Variants in FAAH2 observed in about 807,000 individuals in gnomAD.
FAAH2 encodes fatty acid amide hydrolase 2.
FAAH2 carries 60 observed loss-of-function variants against 36.9 expected under a neutral mutation model. The ratio of observed to expected loss-of-function variants is 1.63; its 90% CI spans 1.32 to 2.02. FAAH2 has a LOEUF of 2.02. Ranked by LOEUF, FAAH2 falls within the 30% of genes most tolerant of loss-of-function variation. The probability of loss-of-function intolerance (pLI) is 0.00; values close to 1 mark genes in which losing one functional copy is unlikely to be tolerated. For missense variants in FAAH2, 689 were observed against 397.5 expected (o/e 1.73, Z -6.23); for synonymous variants, 214 against 143.8 (o/e 1.49, Z -3.49).
chrX:57,190,196 G>A, the FAAH2 span, among the ~76,000 whole-genome samples: 3 of 109,700 alleles, frequency 2.7e-5, no homozygotes, highest in Non-Finnish European at 5.7e-5. Context: ...CCTCCTTAGC[G>A]CTGTCACGGG....
At chrX:57,228,013 A>T in the FAAH2 span, among the ~76,000 whole-genome samples, 2 of 111,924 alleles carry the variant, frequency 1.8e-5, no homozygotes, top group African/African-American at 6.5e-5. Flanking sequence ...AACAGCCCTG[A>T]ACCTGTTTCC....
chrX:57,182,179 A>G, the FAAH2 span, among the ~76,000 whole-genome samples: 1 of 112,503 alleles, frequency 8.9e-6, no homozygotes. Context: ...AGGAACTTGC[A>G]AAGAGTTTAT....
At chrX:57,359,932 A>C (rs1357277526) in intron 5 of FAAH2, among the ~76,000 whole-genome samples, 2 of 109,302 alleles carry the variant, frequency 1.8e-5, no homozygotes, top group African/African-American at 6.6e-5. Flanking sequence ...GTTTTGAAGA[A>C]CAGTTTTGCT....
At chrX:57,473,114 G>C (rs1178798646) in intron 10 of FAAH2, among the ~76,000 whole-genome samples, 1 of 110,952 alleles carries the variant, frequency 9.0e-6, no homozygotes, top group Admixed American at 9.7e-5. Context: ...TCCTTAAGGT[G>C]TGAATTAGTT....
the FAAH2 span, among the ~76,000 whole-genome samples, chrX:57,242,334 C>T: frequency 1.2e-4 from 14 of 112,226 alleles, no homozygotes; most frequent in East Asian, 2.8e-4. Flanking sequence ...AGTGGACCTC[C>T]GGCAAACTAC....
At position 57,457,253 on chromosome X, in the gene FAAH2, T is replaced by C. The variant is rs766978482; in HGVS notation, c.1423+8535T>C. ...AGCCTATAATATAATCCAACATCCC[T>C]TAATGACAAAAGCCCTCAACAGATT... On this transcript the variant is annotated intron_variant, in intron 10 of 10. Coordinates refer to ENST00000374900, the MANE Select transcript of FAAH2 (RefSeq NM_174912.4). Among the ~76,000 whole-genome samples the C allele has an allele frequency of 3.6e-5, 4 of 111,670 alleles. No homozygotes were observed. In the East Asian group the frequency reaches 1.1e-3, roughly 31 times the overall value.
the FAAH2 span, among the ~76,000 whole-genome samples, chrX:57,207,478 G>A: frequency 1.8e-5 from 2 of 111,704 alleles, no homozygotes; most frequent in South Asian, 7.5e-4. Flanking sequence ...TTATTTCACA[G>A]GTAGGACGTT....
chrX:57,156,851 G>C, the FAAH2 span, among the ~76,000 whole-genome samples: 1 of 111,736 alleles, frequency 8.9e-6, no homozygotes, highest in Non-Finnish European at 1.9e-5. Context: ...GAAGCCCAGG[G>C]CTTTCCAGAC....
intron 7 of FAAH2, among the ~76,000 whole-genome samples, chrX:57,429,490 G>T (rs992839046): frequency 8.9e-6 from 1 of 111,783 alleles, no homozygotes; most frequent in Non-Finnish European, 1.9e-5. Context: ...ATTAGCTATT[G>T]TATTACACCA....
intron 10 of FAAH2, among the ~76,000 whole-genome samples, chrX:57,464,093 G>A (rs1243565496): frequency 2.7e-5 from 3 of 111,971 alleles, no homozygotes; most frequent in Admixed American, 9.5e-5. Context: ...ATTAGTTCAT[G>A]ATGTCCTTTG....
At chrX:57,171,183 A>T in the FAAH2 span, among the ~76,000 whole-genome samples, 1 of 111,740 alleles carries the variant, frequency 8.9e-6, no homozygotes, top group Non-Finnish European at 1.9e-5. Context: ...GGTTGATTCC[A>T]TATCTTTGCA....
the FAAH2 span, among the ~76,000 whole-genome samples, chrX:57,125,254 T>G: frequency 8.9e-6 from 1 of 112,912 alleles, no homozygotes; most frequent in Non-Finnish European, 1.9e-5. Flanking sequence ...CTGCATCTGT[T>G]GAGATAATCA....
chrX:57,436,901 T>C (rs2056422067), intron 8 of FAAH2, among the ~76,000 whole-genome samples: 1 of 111,044 alleles, frequency 9.0e-6, no homozygotes, highest in Non-Finnish European at 1.9e-5. Context: ...ATCACCCTGA[T>C]ACCAAAACCA....
At chrX:57,231,759 A>G in the FAAH2 span, among the ~76,000 whole-genome samples, 7 of 111,710 alleles carry the variant, frequency 6.3e-5, no homozygotes, top group South Asian at 3.7e-4. Flanking sequence ...ATTCCTCAAC[A>G]TTTGCTTTTT....
At chrX:57,367,108 C>T (rs1239599810) in intron 5 of FAAH2, among the ~76,000 whole-genome samples, 1 of 112,425 alleles carries the variant, frequency 8.9e-6, no homozygotes, top group African/African-American at 3.2e-5. Context: ...TACGAAATAA[C>T]CTTGCATTGC....
chrX:57,476,190 A>G (rs2057263947), intron 10 of FAAH2, among the ~76,000 whole-genome samples: 1 of 110,342 alleles, frequency 9.1e-6, no homozygotes, highest in Non-Finnish European at 1.9e-5. Context: ...CCCTTTATTT[A>G]TTTTTCTTGC....
chrX:57,474,272 A>G (rs1027139426), intron 10 of FAAH2, among the ~76,000 whole-genome samples: 4 of 111,271 alleles, frequency 3.6e-5, no homozygotes, highest in Non-Finnish European at 7.5e-5. Context: ...TACATGTGCC[A>G]TGGTGGTTTC....
chrX:57,170,266 A>G, the FAAH2 span, among the ~76,000 whole-genome samples: 1 of 111,798 alleles, frequency 8.9e-6, no homozygotes, highest in Non-Finnish European at 1.9e-5. Flanking sequence ...CTTGCATAGC[A>G]TCCTCAAAGT....
At chrX:57,447,192 T>C (rs2056692896) in intron 9 of FAAH2, among the ~76,000 whole-genome samples, 153 bp downstream of exon 9, 1 of 112,095 alleles carries the variant, frequency 8.9e-6, no homozygotes, top group Non-Finnish European at 1.9e-5. Context: ...TTTGACTCCA[T>C]GTCTCACATC....
Sources: allele counts gnomAD v4.1 joint callset (sites outside exome capture counted in the v4.1 genomes callset), GRCh38; gene constraint gnomAD v4.1.1; transcripts MANE v1.5; gene names NCBI Gene and HGNC (gene_info 2026-07-23, HGNC 2026-07-21).